VPS54: variants seen among roughly 807,000 people sequenced by gnomAD.
VPS54 encodes VPS54 subunit of GARP complex, also known as vacuolar protein sorting-associated protein 54.
In VPS54, 45 loss-of-function variants were observed where a neutral mutation model predicts 121.5. That is an observed-to-expected ratio of 0.37 (90% CI 0.29 to 0.47). The LOEUF is 0.47. Among genes scored for constraint, VPS54 ranks in the 20% least tolerant of loss-of-function variants. VPS54 has a pLI of 0.99. For missense variants in VPS54, 1,090 were observed against 1,131.4 expected (o/e 0.96, Z 0.52); for synonymous variants, 371 against 385.8 (o/e 0.96, Z 0.45).
rs180873034 is a variant in VPS54 at position 63,979,923 on chromosome 2, T to C, written c.378+1723A>G. ...ATAGTCTATGTCCATAAATGTTTCA[T>C]GAACACTTGAAAAAAAAGTATATTC... On this transcript the variant is annotated intron_variant, in intron 3 of 22. Coordinates refer to ENST00000272322, the MANE Select transcript of VPS54 (RefSeq NM_016516.3). 2.4e-3 allele frequency among the ~76,000 whole-genome samples: 373 copies of C among 152,286 alleles called. 4 individuals carry two copies. The highest frequency in any genetic ancestry group is 2.7e-3 in the Non-Finnish European group (185 of 68,010).
intron 1 of VPS54, among the ~76,000 whole-genome samples, chr2:63,990,540 T>C (rs1677269431): frequency 6.6e-6 from 1 of 152,094 alleles, no homozygotes; most frequent in Non-Finnish European, 1.5e-5. Context: ...TCTTCACACA[T>C]GCACACCAGT....
intron 22 of VPS54, 38 bp downstream of exon 22, chr2:63,897,458 G>A (rs376667901): frequency 4.2e-5 from 56 of 1,340,904 alleles, no homozygotes; most frequent in African/African-American, 1.5e-4. Flanking sequence ...AAAACAATTC[G>A]ATATGGGAGT....
intron 22 of VPS54, among the ~76,000 whole-genome samples, chr2:63,896,657 A>G (rs1672456749): frequency 6.6e-6 from 1 of 152,170 alleles, no homozygotes; most frequent in African/African-American, 2.4e-5. Flanking sequence ...TGACCCCAAC[A>G]TACATTTTTT....
chr2:63,986,534 A>C (rs931035672), intron 1 of VPS54, among the ~76,000 whole-genome samples: 15 of 152,202 alleles, frequency 9.9e-5, no homozygotes, highest in African/African-American at 3.4e-4. Flanking sequence ...AGCTGTTCCA[A>C]ATCGAGGCTA....
At chr2:63,977,106 G>A (rs1468777989) in intron 3 of VPS54, among the ~76,000 whole-genome samples, 1 of 152,102 alleles carries the variant, frequency 6.6e-6, no homozygotes, top group African/African-American at 2.4e-5. Flanking sequence ...TGGGATTACA[G>A]GCATGAGCCA....
Position 63,981,786 on chromosome 2 carries a change from G to A in VPS54, c.238C>T (p.Pro80Ser). The change falls in exon 3 of 23, where the codon CCT becomes TCT. Residue 80 changes from proline (P) to serine (S), a missense_variant. Transcript: ENST00000272322. ...TCAGATTCTCTTTTTGCTAATCTAGGATCGTTTAATGCTGCTGGGAGATTT... is the reference window on the plus strand; with the variant it reads ...TCAGATTCTCTTTTTGCTAATCTAGAATCGTTTAATGCTGCTGGGAGATTT... ...KVNLPAALND[P>S]RLAKRESDFF... is the part of the protein sequence containing the mutation. 1 of 1,613,718 alleles carries A rather than the reference G, an allele frequency of 6.2e-7. No individual in the cohort carries two copies.
At position 63,983,899 on chromosome 2, in the gene VPS54, G is replaced by A. The variant is rs1373046139; in HGVS notation, c.101C>T (p.Pro34Leu). The change falls in exon 2 of 23, where the codon CCA becomes CTA. Residue 34 changes from proline to leucine, a missense_variant. Physicochemically the swap from Pro to Leu is moderately conservative, Grantham distance 98. Transcript: ENST00000272322. ...VDPSKHIRPV[P>L]SLPDVCPKEP... is the part of the protein sequence containing the mutation. ...CTTGGGACACACATCTGGCAGTGAT[G>A]GCACAGGTCGAATGTGTTTTGACGG... is the stretch of plus-strand genomic sequence containing the variant. 1.9e-6 allele frequency: 3 copies of A among 1,612,274 alleles called. No homozygotes were observed. The highest frequency in any genetic ancestry group is 2.2e-5 in the East Asian group (1 of 44,864).
intron 1 of VPS54, among the ~76,000 whole-genome samples, chr2:63,997,697 TTA>T (rs1677666639): frequency 6.6e-6 from 1 of 152,064 alleles, no homozygotes; most frequent in African/African-American, 2.4e-5. Flanking sequence ...TCAATTTCAT[TTA>T]TCTCTGCTCT....
chr2:63,933,096 A>G (rs933254190), intron 12 of VPS54, among the ~76,000 whole-genome samples: 17 of 152,162 alleles, frequency 1.1e-4, no homozygotes, highest in African/African-American at 4.1e-4. Flanking sequence ...TAAAGTATTA[A>G]CACCTGGGGA....
At chr2:63,976,888 G>C (rs551364271) in intron 3 of VPS54, among the ~76,000 whole-genome samples, 27 of 141,066 alleles carry the variant, frequency 1.9e-4, no homozygotes, top group Admixed American at 9.0e-4. Context: ...GAGTGCAATG[G>C]CACGATCTCA....
At chr2:63,971,164 C>A (rs570672954) in intron 4 of VPS54, among the ~76,000 whole-genome samples, 158 of 152,320 alleles carry the variant, frequency 1.0e-3, no homozygotes, top group Middle Eastern at 0.01. Flanking sequence ...GTGTCTCAAT[C>A]TCTGAGTTAC....
chr2:64,011,139 A>G (rs1416928301), intron 1 of VPS54, among the ~76,000 whole-genome samples: 8 of 152,260 alleles, frequency 5.3e-5, no homozygotes, highest in African/African-American at 1.7e-4. Flanking sequence ...ATTTCATGTG[A>G]TATCTTTATC....
chr2:63,939,140 A>C (rs1394439885), intron 11 of VPS54, among the ~76,000 whole-genome samples: 1 of 152,130 alleles, frequency 6.6e-6, no homozygotes, highest in Non-Finnish European at 1.5e-5. Context: ...TTTGGAGGCC[A>C]AGGTGGGTGG....
At position 63,920,603 on chromosome 2, in the gene VPS54, A is replaced by G. The variant is rs900265030; in HGVS notation, c.1894T>C (p.Ser632Pro). The change falls in exon 14 of 23, where the codon TCC becomes CCC. Residue 632 changes from serine to proline, a missense_variant. Ser to Pro is a moderately conservative substitution (Grantham distance 74). Transcript: ENST00000272322. ...CTAGAAAGTGTTATGAATTCCATGGAATTTAGCTTCTCAAGAAAACCATCC... is the reference window on the plus strand; with the variant it reads ...CTAGAAAGTGTTATGAATTCCATGGGATTTAGCTTCTCAAGAAAACCATCC... Reference protein sequence around the residue: ...AKDGFLEKLNSMEFITLSRLM... With the variant: ...AKDGFLEKLNPMEFITLSRLM... 2.4e-5 allele frequency: 36 copies of G among 1,513,248 alleles called. No homozygotes were observed. The highest frequency in any genetic ancestry group is 3.2e-5 in the Non-Finnish European group (36 of 1,132,044). 93.7% of individuals were successfully genotyped at this position (1,513,248 alleles called of 1,614,324 possible).
rs1190608369 is a variant in VPS54, at chr2:64,007,283, G to C, written c.-21+11655C>G. 1.3e-5 allele frequency among the ~76,000 whole-genome samples: 2 copies of C among 152,138 alleles called. 1 individual carries two copies. The highest frequency in any genetic ancestry group is 3.9e-4 in the East Asian group (2 of 5,194). ...ACTTTGATGACAAAATTGTGCCCGT[G>C]GGAGAGAAGACAGACGAGGAGGTGG... is the stretch of plus-strand genomic sequence containing the variant. On this transcript the variant is annotated intron_variant, in intron 1 of 22. Coordinates refer to ENST00000272322, the MANE Select transcript of VPS54 (RefSeq NM_016516.3).
At chr2:63,907,863 G>T (rs1210387698) in intron 20 of VPS54, among the ~76,000 whole-genome samples, 2 of 152,124 alleles carry the variant, frequency 1.3e-5, no homozygotes, top group Non-Finnish European at 1.5e-5. Context: ...AAACCACAAT[G>T]AGTATCACTC....
chr2:63,962,232 G>A lies in VPS54; in HGVS notation c.836C>T (p.Thr279Ile), dbSNP rs754237379. The change falls in exon 7 of 23, where the codon ACC becomes ATC. Residue 279 changes from threonine (T) to isoleucine (I), a missense_variant. Physicochemically the swap from Thr to Ile is moderately conservative, Grantham distance 89. Coordinates refer to ENST00000272322, the MANE Select transcript of VPS54 (RefSeq NM_016516.3). ...GSLHILRLAL[T>I]RNNCVKVYNK... is the part of the protein sequence containing the mutation. ...GTATACTTTAACACAATTATTTCTG[G>A]TAAGTGCCAGTCTTAAAATGTGGAG... is the stretch of plus-strand genomic sequence containing the variant. 3.7e-5 allele frequency: 59 copies of A among 1,613,878 alleles called. No homozygotes were observed. In the South Asian group the frequency reaches 6.4e-4, roughly 17 times the overall value.
chr2:63,924,825 C>CA (rs1325962224), intron 12 of VPS54, among the ~76,000 whole-genome samples: 1 of 152,136 alleles, frequency 6.6e-6, no homozygotes, highest in Non-Finnish European at 1.5e-5. Flanking sequence ...GTAGGAAAGA[C>CA]AGCCTTTTCA....
intron 22 of VPS54, among the ~76,000 whole-genome samples, chr2:63,895,196 C>G (rs923819295): frequency 1.3e-5 from 2 of 152,040 alleles, no homozygotes; most frequent in Admixed American, 1.3e-4. Context: ...TGGCTCATAC[C>G]TATAATCCCA....
Sources: allele counts gnomAD v4.1 joint callset (sites outside exome capture counted in the v4.1 genomes callset), GRCh38; gene constraint gnomAD v4.1.1; transcripts MANE v1.5; gene names NCBI Gene and HGNC (gene_info 2026-07-23, HGNC 2026-07-21).